MACROH2A2: variants seen among roughly 807,000 people sequenced by gnomAD.
MACROH2A2 encodes the protein macroH2A.2 histone.
Under a neutral mutation model 37.6 loss-of-function variants are expected in MACROH2A2, and 6 were observed. The observed-to-expected ratio is 0.16, with a 90% confidence interval of 0.09 to 0.32. The LOEUF (loss-of-function observed/expected upper bound fraction) is 0.32, where lower values mean the gene tolerates loss of function less well. MACROH2A2 is among the 10% of genes least tolerant of loss of function. MACROH2A2 has a pLI of 1.00. For synonymous variants in MACROH2A2, 192 were observed against 202.7 expected, an observed-to-expected ratio of 0.95 and a Z score of 0.45; for missense variants, 290 against 485.9, an observed-to-expected ratio of 0.60 and a Z score of 3.79.
Position 70,053,206 on chromosome 10 carries a change from AG to A in MACROH2A2, c.-60+213del, listed in dbSNP as rs943241001. On this transcript the variant is annotated intron_variant, in intron 1 of 8. Coordinates refer to ENST00000373255, the MANE Select transcript of MACROH2A2 (RefSeq NM_018649.3). This position sits in a 1 kb window ranked among gnomAD's most constrained non-coding sequence, Gnocchi z 4.8. The stretch of plus-strand genomic sequence containing the variant: ...CCCAACTTGCTTCCTTGGGCGATAA[AG>A]GGGGGGCTGCTAAAGAAGTGGTCAA... 6.6e-6 allele frequency among the ~76,000 whole-genome samples: 1 copy of A among 152,108 alleles called. No homozygotes were observed. Among genetic ancestry groups the A allele is most frequent in the South Asian group, 2.1e-4 (1 of 4,830 alleles).
At chr10:70,102,720 AAAAAAAG>A (rs1465595106) in intron 7 of MACROH2A2, among the ~76,000 whole-genome samples, 1 of 151,196 alleles carries the variant, frequency 6.6e-6, no homozygotes, top group Non-Finnish European at 1.5e-5. Flanking sequence ...CTGTCTCAAA[AAAAAAAG>A]AAAAAAGAAG....
chr10:70,078,368 T>C (rs1235044939), intron 2 of MACROH2A2, among the ~76,000 whole-genome samples: 1 of 152,164 alleles, frequency 6.6e-6, no homozygotes, highest in Admixed American at 6.5e-5. Flanking sequence ...GTCCAGACCA[T>C]CCTGGGCCAC....
At chr10:70,110,045 C>A (rs1028832976) in intron 8 of MACROH2A2, among the ~76,000 whole-genome samples, 4 of 152,212 alleles carry the variant, frequency 2.6e-5, no homozygotes, top group African/African-American at 9.6e-5. Flanking sequence ...TGTAATCACA[C>A]ATCAACCTAG....
rs148443129 is a variant in MACROH2A2 at position 70,056,427 on chromosome 10, T to C, written c.-60+3427T>C. Among the ~76,000 whole-genome samples, 387 of 152,300 alleles carry C rather than the reference T, an allele frequency of 2.5e-3. 4 individuals are homozygous for C. Among genetic ancestry groups the C allele is most frequent in the African/African-American group, 8.8e-3 (367 of 41,556 alleles). On this transcript the variant is annotated intron_variant, in intron 1 of 8. Coordinates refer to ENST00000373255, the MANE Select transcript of MACROH2A2 (RefSeq NM_018649.3). The stretch of plus-strand genomic sequence containing the variant: ...CCAAAGTGCTGGGATTACAGGCGTG[T>C]GCCACCATGCCCGGCCAAGTTCTGT...
chr10:70,109,296 A>G, intron 8 of MACROH2A2, 89 bp downstream of exon 8: 1 of 1,122,904 alleles, frequency 8.9e-7, no homozygotes, highest in East Asian at 2.4e-5. Flanking sequence ...GGGTGTTGCC[A>G]AGGGCTGCCA....
At chr10:70,090,269 C>A in intron 3 of MACROH2A2, 103 bp downstream of exon 3, 1 of 727,522 alleles carries the variant, frequency 1.4e-6, no homozygotes, top group Non-Finnish European at 2.4e-6. Flanking sequence ...TTCCCAATTA[C>A]ATTTATACAA....
intron 2 of MACROH2A2, among the ~76,000 whole-genome samples, chr10:70,087,260 A>G (rs963741782): frequency 6.8e-6 from 1 of 147,158 alleles, no homozygotes; most frequent in Non-Finnish European, 1.5e-5. Flanking sequence ...TTTAAACAGA[A>G]TCTCACTATG....
chr10:70,065,604 C>T (rs10999115), intron 1 of MACROH2A2, among the ~76,000 whole-genome samples: 7,311 of 151,958 alleles, frequency 0.048, 448 homozygotes, highest in East Asian at 0.24. Flanking sequence ...AAAGGAATAA[C>T]CTGAGAACAA....
At chr10:70,079,724 G>A (rs2072164384) in intron 2 of MACROH2A2, among the ~76,000 whole-genome samples, 1 of 152,158 alleles carries the variant, frequency 6.6e-6, no homozygotes, top group Admixed American at 6.5e-5. Flanking sequence ...AGTTGTTTTA[G>A]TGTCACTTTG....
intron 1 of MACROH2A2, among the ~76,000 whole-genome samples, chr10:70,074,619 T>C (rs886220255): frequency 6.6e-6 from 1 of 152,166 alleles, no homozygotes; most frequent in Non-Finnish European, 1.5e-5. Flanking sequence ...GGGAGATAAT[T>C]GAATCATGGG....
At chr10:70,093,586 G>T (rs1327299057) in intron 4 of MACROH2A2, 149 bp from the exon 5 acceptor site, 3 of 582,404 alleles carry the variant, frequency 5.2e-6, no homozygotes, top group African/African-American at 3.8e-5. Flanking sequence ...GCTGACTTTT[G>T]CTCCCCTCCT....
intron 6 of MACROH2A2, among the ~76,000 whole-genome samples, chr10:70,097,142 C>T (rs993343997): frequency 5.3e-5 from 8 of 152,108 alleles, no homozygotes; most frequent in Non-Finnish European, 1.0e-4. Context: ...GATTCTAAGG[C>T]CAACCGCTTC....
chr10:70,088,657 C>T (rs2072226033), intron 2 of MACROH2A2, among the ~76,000 whole-genome samples: 1 of 152,234 alleles, frequency 6.6e-6, no homozygotes, highest in Non-Finnish European at 1.5e-5. Context: ...GGAAGACCCC[C>T]AGGCTCTATG....
intron 7 of MACROH2A2, 109 bp from the exon 8 acceptor site, chr10:70,108,924 G>A (rs2072353563): frequency 6.3e-6 from 6 of 954,264 alleles, no homozygotes; most frequent in Non-Finnish European, 8.2e-6. Flanking sequence ...CCCAGCCAAC[G>A]TCTCTATCAC....
intron 1 of MACROH2A2, among the ~76,000 whole-genome samples, chr10:70,067,918 C>G (rs1018854356): frequency 1.3e-5 from 2 of 152,124 alleles, no homozygotes; most frequent in Non-Finnish European, 2.9e-5. Context: ...AGGCCTCATC[C>G]TTCTTTGGCA....
At chr10:70,098,780 G>C (rs1408594747) in intron 6 of MACROH2A2, 1 of 152,410 alleles carries the variant, frequency 6.6e-6, no homozygotes, top group Non-Finnish European at 1.5e-5. Context: ...GTGTGATGCT[G>C]GTGGCCATTG....
intron 2 of MACROH2A2, among the ~76,000 whole-genome samples, chr10:70,083,396 A>G (rs149092982): frequency 8.3e-4 from 126 of 152,168 alleles, no homozygotes; most frequent in African/African-American, 2.9e-3. Flanking sequence ...CTTCACCCCC[A>G]CATGAACTGG....
intron 6 of MACROH2A2, 77 bp from the exon 7 acceptor site, chr10:70,100,131 C>A: frequency 1.4e-6 from 1 of 734,812 alleles, no homozygotes; most frequent in Admixed American, 2.4e-5. Flanking sequence ...TTTCTCCTGG[C>A]CTACTACAAA....
intron 1 of MACROH2A2, among the ~76,000 whole-genome samples, chr10:70,060,004 C>A (rs2072041886): frequency 1.3e-5 from 2 of 152,152 alleles, no homozygotes; most frequent in African/African-American, 4.8e-5. Flanking sequence ...CACTGCCTGT[C>A]AAGAGCACAG....
Sources: gnomAD v4.1 joint callset for allele counts (sites outside exome capture counted in the v4.1 genomes callset) on GRCh38, gnomAD v4.1.1 for gene constraint, Gnocchi (gnomAD v3.1) non-coding constraint, MANE v1.5 for transcripts, NCBI Gene and HGNC (gene_info 2026-07-23, HGNC 2026-07-21) for gene names.